ERC2: variants seen among roughly 807,000 people sequenced by gnomAD.
The protein encoded by ERC2 is ELKS/RAB6-interacting/CAST family member 2.
Under a neutral mutation model 114.8 loss-of-function variants are expected in ERC2, and 42 were observed. That is an observed-to-expected ratio of 0.37 (90% confidence interval 0.29 to 0.47). ERC2 has a LOEUF of 0.47. ERC2 is among the 20% of genes least tolerant of loss of function. The pLI is 0.99. For missense variants in ERC2, 939 were observed against 1,150.7 expected (o/e 0.82, Z 2.66); for synonymous variants, 454 against 425.5 (o/e 1.07, Z -0.82).
chr3:55,525,898 C>T (rs2053280878), intron 17 of ERC2, among the ~76,000 whole-genome samples: 1 of 152,108 alleles, frequency 6.6e-6, no homozygotes, highest in Non-Finnish European at 1.5e-5. Context: ...GAACTCTGTC[C>T]CCTAAAAAGA....
At chr3:55,945,673 C>A (rs1576310114) in intron 13 of ERC2, among the ~76,000 whole-genome samples, 1 of 151,262 alleles carries the variant, frequency 6.6e-6, no homozygotes, top group Non-Finnish European at 1.5e-5. Flanking sequence ...TACAGGGTTG[C>A]ACAAATTAAA....
At chr3:55,637,260 A>T (rs1315897579) in intron 17 of ERC2, among the ~76,000 whole-genome samples, 2 of 152,220 alleles carry the variant, frequency 1.3e-5, no homozygotes, top group East Asian at 3.8e-4. Flanking sequence ...TAGGCAGAAA[A>T]ATAGAAATGT....
intron 6 of ERC2, among the ~76,000 whole-genome samples, chr3:56,125,577 A>T (rs888726438): frequency 2.0e-5 from 3 of 152,186 alleles, no homozygotes; most frequent in Non-Finnish European, 2.9e-5. Context: ...TTGAAAAAAG[A>T]TTTCCGAAAG....
chr3:55,734,237 G>T (rs1385775669), intron 15 of ERC2, among the ~76,000 whole-genome samples: 2 of 152,112 alleles, frequency 1.3e-5, no homozygotes, highest in African/African-American at 2.4e-5. Context: ...TGGCTGGGTG[G>T]TCTCTAAGCA....
At chr3:55,779,691 T>A (rs949056607) in intron 14 of ERC2, among the ~76,000 whole-genome samples, 1 of 151,986 alleles carries the variant, frequency 6.6e-6, no homozygotes, top group African/African-American at 2.4e-5. Flanking sequence ...CACGGCCAAG[T>A]AGGGTTTATT....
At chr3:56,053,087 C>T (rs1222918884) in intron 7 of ERC2, among the ~76,000 whole-genome samples, 1 of 152,198 alleles carries the variant, frequency 6.6e-6, no homozygotes, top group Non-Finnish European at 1.5e-5. Flanking sequence ...GCAGCACCAG[C>T]TTTGTGCAGA....
rs1319515615 is a variant in ERC2, at chr3:56,449,745, A to T, written c.-140-14598T>A. Among the ~76,000 whole-genome samples the T allele has an allele frequency of 3.9e-5, 6 of 152,224 alleles. No individual in the cohort carries two copies. In the South Asian group the frequency reaches 1.2e-3, roughly 32 times the overall value. On this transcript the variant is annotated intron_variant, in intron 1 of 17. Coordinates refer to ENST00000288221, the MANE Select transcript of ERC2 (RefSeq NM_015576.3). ...GACTTTTCGTATAGATTTGGGAAAG[A>T]TTAAATGAGATGATATAAGAAAGTA... is the stretch of plus-strand genomic sequence containing the variant.
intron 4 of ERC2, among the ~76,000 whole-genome samples, chr3:56,151,353 C>G (rs757791132): frequency 9.2e-5 from 14 of 152,118 alleles, no homozygotes; most frequent in Non-Finnish European, 2.1e-4. Flanking sequence ...AAGTGTGAAC[C>G]ATTGTGCCCA....
At chr3:56,086,736 T>C (rs929574024) in intron 6 of ERC2, among the ~76,000 whole-genome samples, 1 of 152,144 alleles carries the variant, frequency 6.6e-6, no homozygotes, top group African/African-American at 2.4e-5. Context: ...AAATTAGGTA[T>C]CAATGACTGA....
At chr3:55,768,293 C>T (rs2067958872) in intron 14 of ERC2, among the ~76,000 whole-genome samples, 2 of 152,130 alleles carry the variant, frequency 1.3e-5, no homozygotes, top group Admixed American at 1.3e-4. Context: ...AACATCAATC[C>T]TGGAATAAAG....
intron 1 of ERC2, among the ~76,000 whole-genome samples, chr3:56,454,046 G>T (rs574257393): frequency 2.0e-5 from 3 of 152,248 alleles, no homozygotes; most frequent in African/African-American, 7.2e-5. Flanking sequence ...TCTTATAATG[G>T]CTGTGTGACT....
chr3:56,314,787 C>G (rs564374321), intron 2 of ERC2, among the ~76,000 whole-genome samples: 1 of 152,224 alleles, frequency 6.6e-6, no homozygotes, highest in South Asian at 2.1e-4. Flanking sequence ...TAAACTAAGG[C>G]CCAAAGAGGT....
At chr3:56,456,561 T>C (rs374045214) in intron 1 of ERC2, among the ~76,000 whole-genome samples, 24 of 152,326 alleles carry the variant, frequency 1.6e-4, no homozygotes, top group African/African-American at 5.8e-4. Context: ...ATTTCATACA[T>C]ACATAGCCTT....
chr3:56,182,389 G>A (rs564798231), intron 3 of ERC2, among the ~76,000 whole-genome samples: 10 of 152,278 alleles, frequency 6.6e-5, no homozygotes, highest in East Asian at 1.9e-4. Context: ...AAATGAAACC[G>A]TACAAATGAC....
At chr3:55,656,282 G>A (rs1484211829) in intron 17 of ERC2, among the ~76,000 whole-genome samples, 2 of 152,062 alleles carry the variant, frequency 1.3e-5, no homozygotes, top group East Asian at 1.9e-4. Flanking sequence ...TGGACTACAG[G>A]AGTACACCCC....
At chr3:56,376,678 G>T (rs553529451) in intron 2 of ERC2, among the ~76,000 whole-genome samples, 2 of 151,850 alleles carry the variant, frequency 1.3e-5, no homozygotes, top group East Asian at 1.9e-4. Context: ...CAGGAGAACC[G>T]CTTGAATCCG....
chr3:55,938,119 G>A (rs973007616), intron 13 of ERC2, among the ~76,000 whole-genome samples: 10 of 149,864 alleles, frequency 6.7e-5, no homozygotes, highest in Admixed American at 3.3e-4. Flanking sequence ...ATTAGACAGG[G>A]CATGAGAGAG....
At chr3:56,366,150 G>A (rs1029779589) in intron 2 of ERC2, among the ~76,000 whole-genome samples, 7 of 152,158 alleles carry the variant, frequency 4.6e-5, no homozygotes, top group African/African-American at 1.7e-4. Context: ...AAGATACTCT[G>A]CTTCTAGTTA....
intron 14 of ERC2, among the ~76,000 whole-genome samples, chr3:55,779,563 C>T (rs977161664): frequency 2.6e-5 from 4 of 151,726 alleles, no homozygotes; most frequent in Non-Finnish European, 5.9e-5. Context: ...GCTGACGTAT[C>T]TTGGATACAT....
Sources: gnomAD v4.1 joint callset for allele counts (sites outside exome capture counted in the v4.1 genomes callset) on GRCh38, gnomAD v4.1.1 for gene constraint, MANE v1.5 for transcripts, NCBI Gene and HGNC (gene_info 2026-07-23, HGNC 2026-07-21) for gene names.